Variants in ROBO1 observed in about 807,000 individuals in gnomAD.
The protein encoded by ROBO1 is roundabout homolog 1.
A neutral mutation model predicts 195.9 loss-of-function variants in ROBO1; 149 were observed. The ratio of observed to expected loss-of-function variants is 0.76; its 90% CI spans 0.67 to 0.87. The LOEUF (loss-of-function observed/expected upper bound fraction) is 0.87, where lower values mean the gene tolerates loss of function less well. Among genes scored for constraint, ROBO1 ranks in the 40% least tolerant of loss-of-function variants. The pLI is 0.00. For synonymous variants in ROBO1, 816 were observed against 733.2 expected, an observed-to-expected ratio of 1.11 and a Z score of -1.82; for missense variants, 1,933 against 2,068.3, an observed-to-expected ratio of 0.93 and a Z score of 1.27.
chr3:79,124,789 T>C (rs369644813), intron 3 of ROBO1, among the ~76,000 whole-genome samples: 1 of 152,224 alleles, frequency 6.6e-6, no homozygotes, highest in East Asian at 1.9e-4. Flanking sequence ...GTTAGAGATA[T>C]AAATTATACA....
intron 4 of ROBO1, among the ~76,000 whole-genome samples, chr3:78,874,000 G>A (rs1041634769): frequency 3.3e-5 from 5 of 151,292 alleles, no homozygotes; most frequent in African/African-American, 1.2e-4. Context: ...ATACCCCCTT[G>A]GAAATTTAAA....
At chr3:79,562,719 GT>G (rs1942964267) in intron 2 of ROBO1, among the ~76,000 whole-genome samples, 2 of 151,582 alleles carry the variant, frequency 1.3e-5, no homozygotes, top group African/African-American at 2.4e-5. Context: ...ATTATTTTTC[GT>G]TATTTTTACC....
At chr3:78,850,376 C>A (rs1294301501) in intron 4 of ROBO1, among the ~76,000 whole-genome samples, 1 of 152,064 alleles carries the variant, frequency 6.6e-6, no homozygotes, top group African/African-American at 2.4e-5. Flanking sequence ...AATTTCTCAG[C>A]AATTTTAATA....
At chr3:79,113,938 T>C (rs2079941564) in intron 3 of ROBO1, among the ~76,000 whole-genome samples, 1 of 152,174 alleles carries the variant, frequency 6.6e-6, no homozygotes, top group African/African-American at 2.4e-5. Flanking sequence ...TCAATTGCAA[T>C]AATCCGCATG....
At chr3:79,440,838 T>C (rs998343792) in intron 2 of ROBO1, among the ~76,000 whole-genome samples, 2 of 152,092 alleles carry the variant, frequency 1.3e-5, no homozygotes, top group Non-Finnish European at 2.9e-5. Flanking sequence ...GAAAAATTGT[T>C]GGTGGAAATA....
chr3:79,697,033 C>T (rs541383615), intron 1 of ROBO1, among the ~76,000 whole-genome samples: 12 of 150,966 alleles, frequency 7.9e-5, no homozygotes, highest in African/African-American at 1.7e-4. Flanking sequence ...TGCTACAAGT[C>T]GGAGAAAAAT....
intron 3 of ROBO1, among the ~76,000 whole-genome samples, chr3:79,064,109 A>G (rs2108413648): frequency 6.6e-6 from 1 of 152,004 alleles, no homozygotes; most frequent in East Asian, 1.9e-4. Context: ...ATCATAAAAA[A>G]ATTACAAATG....
chr3:78,633,812 A>C (rs1465665492), intron 24 of ROBO1, 123 bp downstream of exon 24: 2 of 516,522 alleles, frequency 3.9e-6, no homozygotes, highest in Non-Finnish European at 6.9e-6. Flanking sequence ...CATGCCTGAG[A>C]CTCAAATTAC....
rs539342924 is a variant in ROBO1 at position 79,391,875 on chromosome 3, T to C, written c.88+197949A>G. On this transcript the variant is annotated intron_variant, in intron 2 of 30. Coordinates refer to ENST00000464233, the MANE Select transcript of ROBO1 (RefSeq NM_002941.4). Reference sequence around the variant, plus strand: ...TCTTATGATAAGATGAAATCAACAGTCAAATGAACTATAGTTCCCAAAAGA... The same window carrying C: ...TCTTATGATAAGATGAAATCAACAGCCAAATGAACTATAGTTCCCAAAAGA... Among the ~76,000 whole-genome samples, 6 of 152,278 alleles carry C rather than the reference T, an allele frequency of 3.9e-5. No individual in the cohort carries two copies. In the South Asian group the frequency reaches 1.0e-3, roughly 26 times the overall value.
chr3:79,544,586 A>T (rs1942193793), intron 2 of ROBO1, among the ~76,000 whole-genome samples: 2 of 152,034 alleles, frequency 1.3e-5, no homozygotes, highest in African/African-American at 4.8e-5. Context: ...GTGCTGGAAA[A>T]TTTTTGTAAT....
Position 78,757,088 on chromosome 3 carries a change from C to T in ROBO1, c.500-10188G>A, listed in dbSNP as rs147131062. On this transcript the variant is annotated intron_variant, in intron 4 of 30. Transcript: ENST00000464233. Reference sequence around the variant, plus strand: ...TGTACTTTTAGTAGAGACAGGGTTTCGCAATGTTGGCCAGGCTGGTCTCAA... The same window carrying T: ...TGTACTTTTAGTAGAGACAGGGTTTTGCAATGTTGGCCAGGCTGGTCTCAA... Among the ~76,000 whole-genome samples, 9 of 152,196 alleles carry T rather than the reference C, an allele frequency of 5.9e-5. No homozygotes were observed. The East Asian group carries it at 9.7e-4, about 16-fold the overall frequency.
At chr3:78,624,247 T>G (rs768812314) in intron 26 of ROBO1, among the ~76,000 whole-genome samples, 11 of 152,200 alleles carry the variant, frequency 7.2e-5, no homozygotes, top group Non-Finnish European at 1.3e-4. Context: ...TTTGATTACA[T>G]AGATCACTGG....
intron 3 of ROBO1, among the ~76,000 whole-genome samples, chr3:79,120,524 A>C (rs1361155877): frequency 6.6e-6 from 1 of 152,118 alleles, no homozygotes; most frequent in East Asian, 1.9e-4. Context: ...GGCTTCTTTT[A>C]ATTAGTGAAG....
chr3:79,664,274 T>A (rs1946411852), intron 1 of ROBO1, among the ~76,000 whole-genome samples: 1 of 152,050 alleles, frequency 6.6e-6, no homozygotes, highest in African/African-American at 2.4e-5. Context: ...CTAAATCATA[T>A]TGTAAGCAAT....
At chr3:79,314,553 T>C (rs150348777) in intron 2 of ROBO1, among the ~76,000 whole-genome samples, 4,227 of 152,288 alleles carry the variant, frequency 0.028, 174 homozygotes, top group African/African-American at 0.095. Flanking sequence ...CAACTGTGAG[T>C]CAATTAAGCC....
chr3:79,317,809 T>C (rs1250625789), intron 2 of ROBO1, among the ~76,000 whole-genome samples: 2 of 152,158 alleles, frequency 1.3e-5, no homozygotes, highest in South Asian at 2.1e-4. Flanking sequence ...TGGATATATA[T>C]GGTTATACAC....
At chr3:79,241,468 A>T (rs535026323) in intron 2 of ROBO1, among the ~76,000 whole-genome samples, 1 of 152,158 alleles carries the variant, frequency 6.6e-6, no homozygotes, top group East Asian at 1.9e-4. Flanking sequence ...TTATTTTTTC[A>T]TCTGTAAAAC....
At chr3:78,625,921 G>C (rs1158610836) in intron 26 of ROBO1, among the ~76,000 whole-genome samples, 1 of 152,042 alleles carries the variant, frequency 6.6e-6, no homozygotes, top group Non-Finnish European at 1.5e-5. Flanking sequence ...GAAGAGGAAG[G>C]CATGAAGGGA....
At chr3:79,075,513 C>A (rs541807548) in intron 3 of ROBO1, among the ~76,000 whole-genome samples, 11 of 151,852 alleles carry the variant, frequency 7.2e-5, no homozygotes, top group Non-Finnish European at 1.6e-4. Context: ...TGGGGTCACA[C>A]AAGTAATGGT....
Sources: gnomAD v4.1 joint callset for allele counts (sites outside exome capture counted in the v4.1 genomes callset) on GRCh38, gnomAD v4.1.1 for gene constraint, MANE v1.5 for transcripts, NCBI Gene and HGNC (gene_info 2026-07-23, HGNC 2026-07-21) for gene names.